ZNF827: variants seen among roughly 807,000 people sequenced by gnomAD.
ZNF827 encodes zinc finger protein 827.
A neutral mutation model predicts 102.4 loss-of-function variants in ZNF827; 13 were observed. That is an observed-to-expected ratio of 0.13 (90% CI 0.08 to 0.20). The LOEUF (loss-of-function observed/expected upper bound fraction) is 0.20, where lower values mean the gene tolerates loss of function less well. Ranked by LOEUF, ZNF827 falls within the 10% of genes least tolerant of loss-of-function variation. The pLI, the probability that ZNF827 is intolerant of heterozygous loss-of-function variation, is 1.00. For missense variants in ZNF827, 1,103 were observed against 1,344.4 expected (o/e 0.82, Z 2.81); for synonymous variants, 523 against 536.2 (o/e 0.98, Z 0.34).
At chr4:145,856,347 C>T (rs1747105312) in intron 5 of ZNF827, among the ~76,000 whole-genome samples, 1 of 152,094 alleles carries the variant, frequency 6.6e-6, no homozygotes, top group Non-Finnish European at 1.5e-5. Flanking sequence ...TGCTTCTTCT[C>T]CATGGGAAGT....
intron 8 of ZNF827, among the ~76,000 whole-genome samples, chr4:145,806,851 C>T (rs1454543628): frequency 2.0e-5 from 3 of 152,130 alleles, no homozygotes; most frequent in African/African-American, 4.8e-5. Flanking sequence ...CAGACTGTCC[C>T]ATTGAACACT....
chr4:145,803,706 C>T (rs1264374178), intron 8 of ZNF827, among the ~76,000 whole-genome samples: 2 of 152,130 alleles, frequency 1.3e-5, no homozygotes, highest in South Asian at 4.1e-4. Context: ...CTCCCCAAGA[C>T]TCTAGAACTT....
intron 5 of ZNF827, among the ~76,000 whole-genome samples, chr4:145,856,767 C>T (rs376468603): frequency 2.4e-4 from 34 of 143,572 alleles, no homozygotes; most frequent in South Asian, 6.8e-4. Context: ...GAGCAAACCA[C>T]GAGACCAAGC....
At chr4:145,922,728 C>T (rs1753161279) in intron 1 of ZNF827, among the ~76,000 whole-genome samples, 1 of 152,184 alleles carries the variant, frequency 6.6e-6, no homozygotes, top group Non-Finnish European at 1.5e-5. Context: ...CCAATTTTTC[C>T]TTGAACATCA....
Position 145,886,096 on chromosome 4 carries a change from T to C in ZNF827, c.1329A>G (p.Ser443=). The C allele has an allele frequency of 1.9e-6, 3 of 1,613,726 alleles. No homozygotes were observed. In the South Asian group the frequency reaches 3.3e-5, roughly 18 times the overall value. ...TGTGGAGTTTCAGGCTGAAGTGGCG[T>C]GAGGAAGTAAAAGGGCACAGCTGGC... ...FQCQLCPFTS[S]RHFSLKLHMR... The change falls in exon 4 of 15, where the codon TCA becomes TCG. Residue 443 remains serine (S), a synonymous_variant. Transcript: ENST00000508784.
chr4:145,915,482 C>T (rs1752602863), intron 1 of ZNF827, among the ~76,000 whole-genome samples: 1 of 152,048 alleles, frequency 6.6e-6, no homozygotes, highest in Admixed American at 6.6e-5. Context: ...AACCAACACA[C>T]TCCCGAGATA....
chr4:145,834,354 C>T (rs1370107222), intron 7 of ZNF827, among the ~76,000 whole-genome samples: 5 of 152,110 alleles, frequency 3.3e-5, no homozygotes, highest in African/African-American at 7.2e-5. Flanking sequence ...TAACCCCAAG[C>T]GTCGCTGAGT....
At chr4:145,876,223 C>T (rs1425359037) in intron 4 of ZNF827, among the ~76,000 whole-genome samples, 2 of 152,204 alleles carry the variant, frequency 1.3e-5, no homozygotes, top group African/African-American at 4.8e-5. Context: ...AACCTCCACT[C>T]CACTGATATT....
chr4:145,763,001 C>G lies in ZNF827; in HGVS notation c.*17+89G>C. 1 of 1,297,864 alleles carries G rather than the reference C, an allele frequency of 7.7e-7. No individual in the cohort carries two copies. Among genetic ancestry groups the G allele is most frequent in the Non-Finnish European group, 1.1e-6 (1 of 947,686 alleles). The allele number at this position is 1,297,864 out of a possible 1,614,324, so 80.4% of individuals were successfully genotyped here. ...AAGCTCGCCGTTAGCCTTTGAACCT[C>G]AGCTCACAGAAGAGTGCACACGAGA... On this transcript the variant is annotated intron_variant, in intron 14 of 14. Coordinates refer to ENST00000508784, the MANE Select transcript of ZNF827 (RefSeq NM_001306215.2). The surrounding 1 kb of genome is among the most constrained non-coding windows in gnomAD (Gnocchi z 4.6).
In ZNF827 at chr4:145,761,895, G is replaced by C. The variant is rs921431645; in HGVS notation, c.*18-297C>G. Among the ~76,000 whole-genome samples the C allele has an allele frequency of 6.6e-6, 1 of 152,200 alleles. No individual in the cohort carries two copies. The highest frequency in any genetic ancestry group is 2.4e-5 in the African/African-American group (1 of 41,438). ...CCAAGGGGAGCAGAGAAAGTGCCAG[G>C]AATCAATTTGCTGGTGCTCCCCTCC... is the stretch of plus-strand genomic sequence containing the variant. On this transcript the variant is annotated intron_variant, in intron 14 of 14. Transcript: ENST00000508784. This position sits in a 1 kb window ranked among gnomAD's most constrained non-coding sequence, Gnocchi z 6.8.
At chr4:145,781,818 A>T (rs1176298125) in intron 8 of ZNF827, among the ~76,000 whole-genome samples, 1 of 152,238 alleles carries the variant, frequency 6.6e-6, no homozygotes. Context: ...TTATAAGGAG[A>T]GGTCAAGAGG....
At chr4:145,828,022 G>A (rs953186157) in intron 7 of ZNF827, among the ~76,000 whole-genome samples, 1 of 152,232 alleles carries the variant, frequency 6.6e-6, no homozygotes, top group African/African-American at 2.4e-5. Flanking sequence ...ATGCTGCTCA[G>A]TGACTGTCAC....
At chr4:145,873,831 A>C (rs1352541701) in intron 4 of ZNF827, among the ~76,000 whole-genome samples, 2 of 152,132 alleles carry the variant, frequency 1.3e-5, no homozygotes, top group African/African-American at 4.8e-5. Context: ...ACCCTTTATA[A>C]AGTCTTTTCC....
chr4:145,846,051 T>C (rs754884312), intron 6 of ZNF827, 38 bp from the exon 7 acceptor site: 24 of 1,604,312 alleles, frequency 1.5e-5, no homozygotes, highest in South Asian at 3.3e-5. Context: ...CCTCTTAGGT[T>C]GTTCTCACTC....
At position 145,761,386 on chromosome 4, in the gene ZNF827, T is replaced by C; in HGVS notation, c.*230A>G. ...CTCCCCGGTGTGGACGCGCACGTGC[T>C]CGATGAGCTTGTTGGCGGTCTTGGA... On this transcript the variant is annotated 3_prime_UTR_variant, in exon 15 of 15. Coordinates refer to ENST00000508784, the MANE Select transcript of ZNF827 (RefSeq NM_001306215.2). The surrounding 1 kb of genome is among the most constrained non-coding windows in gnomAD (Gnocchi z 6.8). The C allele has an allele frequency of 7.8e-7, 1 of 1,289,904 alleles. No homozygotes were observed. Among genetic ancestry groups the C allele is most frequent in the Non-Finnish European group, 1.0e-6 (1 of 988,876 alleles). 79.9% of individuals were successfully genotyped at this position (1,289,904 alleles called of 1,614,324 possible).
At chr4:145,893,821 T>C (rs1285282807) in intron 2 of ZNF827, among the ~76,000 whole-genome samples, 1 of 152,180 alleles carries the variant, frequency 6.6e-6, no homozygotes, top group East Asian at 1.9e-4. Flanking sequence ...ACCAACGGGA[T>C]GAAATCAGCC....
intron 2 of ZNF827, among the ~76,000 whole-genome samples, chr4:145,896,944 T>C (rs375865780): frequency 1.1e-4 from 16 of 151,968 alleles, no homozygotes; most frequent in African/African-American, 3.4e-4. Context: ...AACTCAAAAA[T>C]TGGAAAAAAA....
intron 1 of ZNF827, among the ~76,000 whole-genome samples, chr4:145,935,679 T>G (rs947648206): frequency 6.6e-6 from 1 of 151,966 alleles, no homozygotes; most frequent in Non-Finnish European, 1.5e-5. Context: ...TTTAAGTGAG[T>G]GGCTAACAGG....
Position 145,760,926 on chromosome 4 carries a change from G to T in ZNF827, c.*690C>A. The T allele has an allele frequency of 8.1e-7, 1 of 1,234,390 alleles. No homozygotes were observed. Among genetic ancestry groups the T allele is most frequent in the Non-Finnish European group, 1.0e-6 (1 of 963,120 alleles). The allele number at this position is 1,234,390 out of a possible 1,614,324, so 76.5% of individuals were successfully genotyped here. ...TGGGGTATAACATTGTCAAGGGAATGAGATGGGCAAAATCTGAGTTCCGGT... is the reference window on the plus strand; with the variant it reads ...TGGGGTATAACATTGTCAAGGGAATTAGATGGGCAAAATCTGAGTTCCGGT... On this transcript the variant is annotated 3_prime_UTR_variant, in exon 15 of 15. Transcript: ENST00000508784.
Sources: allele counts gnomAD v4.1 joint callset (sites outside exome capture counted in the v4.1 genomes callset), GRCh38; gene constraint gnomAD v4.1.1; non-coding constraint Gnocchi (gnomAD v3.1); transcripts MANE v1.5; gene names NCBI Gene and HGNC (gene_info 2026-07-23, HGNC 2026-07-21).